The following BMERB1 variants were observed in gnomAD, a reference collection of about 807,000 sequenced individuals.
BMERB1 encodes bMERB domain-containing protein 1.
BMERB1 carries 12 observed loss-of-function variants against 23.6 expected under a neutral mutation model. The observed-to-expected ratio is 0.51, with a 90% CI of 0.33 to 0.82. BMERB1 has a LOEUF of 0.82. BMERB1 is among the 40% of genes least tolerant of loss of function. The pLI, the probability that BMERB1 is intolerant of heterozygous loss-of-function variation, is 0.03. For synonymous variants in BMERB1, 122 were observed against 96.6 expected (o/e 1.26, Z -1.54); for missense variants, 247 against 255.4 (o/e 0.97, Z 0.22).
chr16:15,511,353 TG>T (rs1335369303), intron 1 of BMERB1, among the ~76,000 whole-genome samples: 2 of 151,906 alleles, frequency 1.3e-5, no homozygotes, highest in Non-Finnish European at 2.9e-5. Context: ...CTCGGCCAGG[TG>T]GCCAGATAAT....
intron 1 of BMERB1, chr16:15,502,273 C>T: frequency 1.9e-6 from 3 of 1,550,762 alleles, no homozygotes; most frequent in Non-Finnish European, 2.6e-6. Flanking sequence ...GAATAACAAT[C>T]ATAGCCAGGA....
rs1473385801 is a variant in BMERB1 at position 15,567,966 on chromosome 16, G to A, written c.231-17G>A. The A allele has an allele frequency of 1.2e-6, 2 of 1,607,694 alleles. No individual in the cohort carries two copies. The highest frequency in any genetic ancestry group is 1.3e-5 in the African/African-American group (1 of 74,820). ...CTGCTGATGTAACCTGCTGTTGATG[G>A]TGTCCTGTTTCCCCAGGATGGATGA... On this transcript the variant is annotated splice_polypyrimidine_tract_variant and intron_variant, in intron 2 of 5. Coordinates refer to ENST00000300006, the MANE Select transcript of BMERB1 (RefSeq NM_033201.3).
intron 2 of BMERB1, among the ~76,000 whole-genome samples, chr16:15,566,578 A>C (rs971339083): frequency 2.6e-5 from 4 of 152,204 alleles, no homozygotes; most frequent in Admixed American, 2.0e-4. Flanking sequence ...AAGCCAGAGA[A>C]TCACTTGAAC....
intron 2 of BMERB1, among the ~76,000 whole-genome samples, chr16:15,519,087 A>ACACACACG (rs1555510668): frequency 3.4e-4 from 50 of 146,864 alleles, no homozygotes; most frequent in African/African-American, 1.3e-3. Context: ...ACACACACAC[A>ACACACACG]CACACACACA....
chr16:15,502,421 A>G, intron 1 of BMERB1: 1 of 1,475,624 alleles, frequency 6.8e-7, no homozygotes, highest in South Asian at 1.2e-5. Context: ...TCCACGAGGC[A>G]GGCTGGGAGA....
intron 4 of BMERB1, among the ~76,000 whole-genome samples, chr16:15,582,887 C>T (rs896757187): frequency 2.0e-5 from 3 of 152,158 alleles, no homozygotes; most frequent in African/African-American, 7.2e-5. Context: ...CACTGACCCC[C>T]CAGCAGGGTC....
chr16:15,536,342 C>T (rs117975403), intron 2 of BMERB1, among the ~76,000 whole-genome samples: 14,070 of 151,988 alleles, frequency 0.093, 909 homozygotes, highest in Non-Finnish European at 0.13. Flanking sequence ...GAGGCAGCAG[C>T]CCCCTAGGGA....
At chr16:15,584,510 A>T (rs574832264) in intron 5 of BMERB1, among the ~76,000 whole-genome samples, 1 of 149,664 alleles carries the variant, frequency 6.7e-6, no homozygotes, top group South Asian at 2.1e-4. Flanking sequence ...GTGAGCCGAG[A>T]TCACACCACT....
At chr16:15,569,207 C>T (rs988099928) in intron 3 of BMERB1, among the ~76,000 whole-genome samples, 5 of 151,882 alleles carry the variant, frequency 3.3e-5, no homozygotes, top group Admixed American at 6.6e-5. Flanking sequence ...CAGAGCGAGA[C>T]TCCGACTCAA....
At chr16:15,486,670 A>T (rs1261131596) in intron 1 of BMERB1, among the ~76,000 whole-genome samples, 1 of 152,230 alleles carries the variant, frequency 6.6e-6, no homozygotes, top group Non-Finnish European at 1.5e-5. Flanking sequence ...TGTATGTTAC[A>T]CAGTGATATC....
At chr16:15,478,241 T>C (rs2051289479) in intron 1 of BMERB1, among the ~76,000 whole-genome samples, 1 of 152,146 alleles carries the variant, frequency 6.6e-6, no homozygotes, top group Admixed American at 6.5e-5. Flanking sequence ...CACTGCAGCC[T>C]CTGCCTCTCC....
chr16:15,449,019 G>T (rs1172723090), intron 1 of BMERB1, among the ~76,000 whole-genome samples: 1 of 152,164 alleles, frequency 6.6e-6, no homozygotes, highest in African/African-American at 2.4e-5. Flanking sequence ...CAGCATAGGT[G>T]AGGTATAACA....
intron 1 of BMERB1, among the ~76,000 whole-genome samples, chr16:15,503,013 C>G (rs1316884672): frequency 6.6e-6 from 1 of 152,162 alleles, no homozygotes; most frequent in Non-Finnish European, 1.5e-5. Flanking sequence ...CTACACCAAG[C>G]ACATGTTGTA....
At chr16:15,532,244 T>A (rs1434560259) in intron 2 of BMERB1, among the ~76,000 whole-genome samples, 1 of 152,168 alleles carries the variant, frequency 6.6e-6, no homozygotes, top group Non-Finnish European at 1.5e-5. Context: ...TTTTTTGTTT[T>A]TTTTTGAGAC....
At chr16:15,572,965 T>C (rs944263851) in intron 3 of BMERB1, among the ~76,000 whole-genome samples, 11 of 152,318 alleles carry the variant, frequency 7.2e-5, no homozygotes, top group South Asian at 2.1e-4. Context: ...ACGTGCCTTT[T>C]GCCTTCTGCC....
intron 1 of BMERB1, among the ~76,000 whole-genome samples, chr16:15,475,255 G>C (rs1477497346): frequency 6.6e-6 from 1 of 152,108 alleles, no homozygotes. Context: ...CTCCCCAATG[G>C]GTCCCACTGA....
chr16:15,496,461 CACTT>C (rs1288953955), intron 1 of BMERB1, among the ~76,000 whole-genome samples: 2 of 152,132 alleles, frequency 1.3e-5, no homozygotes, highest in Non-Finnish European at 2.9e-5. Context: ...TTACATAACT[CACTT>C]ACCAGCCACA....
At chr16:15,545,643 C>G (rs1296497198) in intron 2 of BMERB1, among the ~76,000 whole-genome samples, 1 of 152,156 alleles carries the variant, frequency 6.6e-6, no homozygotes, top group Admixed American at 6.5e-5. Flanking sequence ...CAGGACCAAT[C>G]TGGCCAGGAA....
intron 1 of BMERB1, among the ~76,000 whole-genome samples, chr16:15,467,897 A>G (rs1430646468): frequency 6.6e-6 from 1 of 152,074 alleles, no homozygotes; most frequent in East Asian, 1.9e-4. Context: ...AGGAACTTTC[A>G]AGTCATAGGT....
Sources: allele counts gnomAD v4.1 joint callset (sites outside exome capture counted in the v4.1 genomes callset), GRCh38; gene constraint gnomAD v4.1.1; transcripts MANE v1.5; gene names NCBI Gene and HGNC (gene_info 2026-07-23, HGNC 2026-07-21).